BMPR2: variants seen among roughly 807,000 people sequenced by gnomAD.
The protein encoded by BMPR2 is bone morphogenetic protein receptor type 2, also known as bone morphogenetic protein receptor type-2.
BMPR2 carries 29 observed loss-of-function variants against 100.8 expected under a neutral mutation model. The observed-to-expected ratio is 0.29, with a 90% CI of 0.21 to 0.39. BMPR2 has a LOEUF of 0.39. BMPR2 is among the 10% of genes least tolerant of loss of function. The pLI, the probability that BMPR2 is intolerant of heterozygous loss-of-function variation, is 1.00. For synonymous variants in BMPR2, 382 were observed against 442.3 expected (o/e 0.86, Z 1.71); for missense variants, 1,011 against 1,274.5 (o/e 0.79, Z 3.15).
At chr2:202,451,975 A>G (rs950375040) in intron 1 of BMPR2, among the ~76,000 whole-genome samples, 2 of 151,430 alleles carry the variant, frequency 1.3e-5, no homozygotes, top group Non-Finnish European at 2.9e-5. Flanking sequence ...GCTAGTCTCA[A>G]CCTCCCGACC....
intron 3 of BMPR2, among the ~76,000 whole-genome samples, chr2:202,494,323 C>CATAACCACTAGTGTGT (rs1322580913): frequency 6.6e-6 from 1 of 152,244 alleles, no homozygotes; most frequent in Non-Finnish European, 1.5e-5. Flanking sequence ...AAGGAGCTGA[C>CATAACCACTAGTGTGT]ATAACCACTA....
chr2:202,557,399 G>A (rs1016610628), intron 12 of BMPR2, among the ~76,000 whole-genome samples: 1 of 151,650 alleles, frequency 6.6e-6, no homozygotes, highest in African/African-American at 2.4e-5. Context: ...GGAGGCGGAG[G>A]TTGCAATGAG....
chr2:202,430,830 A>C (rs950425376), intron 1 of BMPR2, among the ~76,000 whole-genome samples: 1 of 149,874 alleles, frequency 6.7e-6, no homozygotes, highest in Non-Finnish European at 1.5e-5. Flanking sequence ...GTGGTGGCAC[A>C]TGCCTGTAAT....
At chr2:202,524,595 A>T (rs898343659) in intron 7 of BMPR2, among the ~76,000 whole-genome samples, 4 of 151,946 alleles carry the variant, frequency 2.6e-5, no homozygotes, top group Non-Finnish European at 4.4e-5. Context: ...ACATGGTGAA[A>T]CCCTGTCTCT....
At chr2:202,488,181 A>G (rs1692819398) in intron 3 of BMPR2, among the ~76,000 whole-genome samples, 1 of 152,238 alleles carries the variant, frequency 6.6e-6, no homozygotes, top group African/African-American at 2.4e-5. Flanking sequence ...TCTCTTTATT[A>G]TCCCTATCCG....
In BMPR2 at chr2:202,464,944, A is replaced by C. The variant is rs778682407; in HGVS notation, c.212A>C (p.Glu71Ala). 8 of 1,614,060 alleles carry C rather than the reference A, an allele frequency of 5.0e-6. No homozygotes were observed. The highest frequency in any genetic ancestry group is 2.7e-5 in the African/African-American group (2 of 74,932). ...GGTAGCACCTGCTATGGCCTTTGGG[A>C]GAAATCAAAAGGGGACATAAATCTT... ...SKGSTCYGLW[E>A]KSKGDINLVK... Residue 71 changes from glutamate to alanine, a missense_variant, in exon 2 of 13, where the codon GAG becomes GCG. Glu to Ala is a moderately radical substitution (Grantham distance 107, BLOSUM62 -1). Transcript: ENST00000374580.
At chr2:202,417,101 G>T (rs977666565) in intron 1 of BMPR2, among the ~76,000 whole-genome samples, 16 of 152,124 alleles carry the variant, frequency 1.1e-4, no homozygotes, top group African/African-American at 3.6e-4. Flanking sequence ...CTCCCAAAAT[G>T]CTGGGATTAC....
At chr2:202,401,153 T>C (rs906548184) in intron 1 of BMPR2, among the ~76,000 whole-genome samples, 1 of 152,174 alleles carries the variant, frequency 6.6e-6, no homozygotes, top group Non-Finnish European at 1.5e-5. Context: ...TGTCTTTTGT[T>C]TGCATGCCAC....
intron 1 of BMPR2, among the ~76,000 whole-genome samples, chr2:202,434,953 G>A (rs1559037526): frequency 1.8e-5 from 2 of 111,378 alleles, no homozygotes; most frequent in East Asian, 2.5e-4. Flanking sequence ...ATTTATTTAC[G>A]TCTATAATCC....
At chr2:202,537,766 G>A (rs1237668797) in intron 9 of BMPR2, among the ~76,000 whole-genome samples, 1 of 152,168 alleles carries the variant, frequency 6.6e-6, no homozygotes, top group African/African-American at 2.4e-5. Context: ...TGGAAATGGG[G>A]AGAGGCAAAT....
chr2:202,401,640 G>GATTTATATCAACTTAAATTT (rs1559026696), intron 1 of BMPR2, among the ~76,000 whole-genome samples: 1 of 152,120 alleles, frequency 6.6e-6, no homozygotes, highest in Non-Finnish European at 1.5e-5. Context: ...ATTTTAAGTT[G>GATTTATATCAACTTAAATTT]ATATAAATGA....
In BMPR2 at chr2:202,567,054, G is replaced by T. The variant is rs1263765584; in HGVS notation, c.*7108G>T. On this transcript the variant is annotated 3_prime_UTR_variant, in exon 13 of 13. Transcript: ENST00000374580. ...ACATTTATTTATTTAAGCAATTTTT[G>T]TATGCCTTGTTATTTCATTTCCATA... 6.6e-6 allele frequency: 1 copy of T among 152,026 alleles called. No individual in the cohort carries two copies. Among genetic ancestry groups the T allele is most frequent in the Non-Finnish European group, 1.5e-5 (1 of 67,990 alleles). 9.4% of individuals were successfully genotyped at this position (152,026 alleles called of 1,614,324 possible). A position where few individuals can be genotyped will look rare whatever the true frequency, so the allele number is the denominator to read the frequency against.
At position 202,528,248 on chromosome 2, in the gene BMPR2, C is replaced by T. The variant is rs182575249; in HGVS notation, c.968-2546C>T. ...TGTCGCCCAGGCTGTAGTACAATGGCGTGATCTCGGCTCACTGCAAGCTCT... is the reference window on the plus strand; with the variant it reads ...TGTCGCCCAGGCTGTAGTACAATGGTGTGATCTCGGCTCACTGCAAGCTCT... On this transcript the variant is annotated intron_variant, in intron 7 of 12. Transcript: ENST00000374580. 3.0e-3 allele frequency among the ~76,000 whole-genome samples: 458 copies of T among 152,286 alleles called. 6 individuals carry two copies. Among genetic ancestry groups the T allele is most frequent in the African/African-American group, 9.4e-3 (392 of 41,582 alleles).
At chr2:202,420,019 A>G (rs934688156) in intron 1 of BMPR2, among the ~76,000 whole-genome samples, 1 of 152,094 alleles carries the variant, frequency 6.6e-6, no homozygotes, top group Non-Finnish European at 1.5e-5. Context: ...TAAAAAATTA[A>G]AAAAATCCCA....
intron 10 of BMPR2, among the ~76,000 whole-genome samples, chr2:202,549,044 AT>A (rs1688425460): frequency 6.6e-6 from 1 of 152,036 alleles, no homozygotes; most frequent in Non-Finnish European, 1.5e-5. Flanking sequence ...AACTTTCTCT[AT>A]CCCCCATGAG....
At chr2:202,414,238 A>G (rs1490408806) in intron 1 of BMPR2, among the ~76,000 whole-genome samples, 1 of 152,168 alleles carries the variant, frequency 6.6e-6, no homozygotes, top group Non-Finnish European at 1.5e-5. Context: ...TGATGTTACT[A>G]TTGTAATTGT....
chr2:202,525,178 G>A (rs1687886556), intron 7 of BMPR2, among the ~76,000 whole-genome samples: 1 of 151,816 alleles, frequency 6.6e-6, no homozygotes, highest in Non-Finnish European at 1.5e-5. Flanking sequence ...ACATAGTAGT[G>A]TATATATTTA....
At chr2:202,433,877 C>G (rs1399939488) in intron 1 of BMPR2, among the ~76,000 whole-genome samples, 1 of 150,300 alleles carries the variant, frequency 6.7e-6, no homozygotes, top group East Asian at 1.9e-4. Context: ...GACTACACTC[C>G]AGCCTGGCGA....
intron 1 of BMPR2, among the ~76,000 whole-genome samples, chr2:202,441,479 T>A (rs1233143747): frequency 5.9e-5 from 7 of 119,062 alleles, no homozygotes; most frequent in African/African-American, 2.4e-4. Context: ...CCGAGGCGGG[T>A]GGATCACGAG....
Sources: allele counts gnomAD v4.1 joint callset (sites outside exome capture counted in the v4.1 genomes callset), GRCh38; gene constraint gnomAD v4.1.1; transcripts MANE v1.5; gene names NCBI Gene and HGNC (gene_info 2026-07-23, HGNC 2026-07-21).